TIAM2: variants seen among roughly 807,000 people sequenced by gnomAD.
TIAM2 encodes the protein rho guanine nucleotide exchange factor TIAM2.
In TIAM2, 80 loss-of-function variants were observed where a neutral mutation model predicts 152.9. The observed-to-expected ratio is 0.52, with a 90% CI of 0.44 to 0.63. The LOEUF (loss-of-function observed/expected upper bound fraction) is 0.63, where lower values mean the gene tolerates loss of function less well. Ranked by LOEUF, TIAM2 falls within the 30% of genes least tolerant of loss-of-function variation. The pLI is 0.00. For missense variants in TIAM2, 1,965 were observed against 2,120.1 expected, an observed-to-expected ratio of 0.93 and a Z score of 1.44; for synonymous variants, 804 against 838.0, an observed-to-expected ratio of 0.96 and a Z score of 0.70.
At chr6:155,183,020 A>G (rs922826753) in intron 13 of TIAM2, among the ~76,000 whole-genome samples, 1 of 152,172 alleles carries the variant, frequency 6.6e-6, no homozygotes, top group Admixed American at 6.5e-5. Context: ...GCTGGCCTCA[A>G]ACTCCTGGGC....
intron 1 of TIAM2, among the ~76,000 whole-genome samples, chr6:155,002,151 A>G (rs543418092): frequency 1.3e-5 from 2 of 152,328 alleles, no homozygotes; most frequent in East Asian, 3.9e-4. Flanking sequence ...GCTCACGCCC[A>G]TAATCCCAGC....
intron 17 of TIAM2, among the ~76,000 whole-genome samples, 165 bp from the exon 18 acceptor site, chr6:155,244,493 A>G (rs1239537278): frequency 6.6e-6 from 1 of 152,240 alleles, no homozygotes; most frequent in African/African-American, 2.4e-5. Context: ...CTTTCTATGT[A>G]TAAGCCATAT....
In TIAM2 at chr6:155,183,515, T is replaced by A; in HGVS notation, c.3064+15T>A. 6.3e-7 allele frequency: 1 copy of A among 1,592,910 alleles called. No individual in the cohort carries two copies. The highest frequency in any genetic ancestry group is 8.5e-7 in the Non-Finnish European group (1 of 1,169,860). On this transcript the variant is annotated intron_variant, in intron 14 of 26. Transcript: ENST00000682666. Reference sequence around the variant, plus strand: ...TACAGCCAATGGTAAGGCTTTGTTCTGTCTTCCTTCTTAACTGCTGGTATC... The same window carrying A: ...TACAGCCAATGGTAAGGCTTTGTTCAGTCTTCCTTCTTAACTGCTGGTATC...
chr6:155,122,930 A>C (rs1779206284), intron 2 of TIAM2, among the ~76,000 whole-genome samples: 2 of 152,082 alleles, frequency 1.3e-5, no homozygotes. Flanking sequence ...TATTAACTAA[A>C]ATAGTTTTTA....
intron 5 of TIAM2, among the ~76,000 whole-genome samples, chr6:155,143,100 T>G (rs957771492): frequency 2.6e-5 from 4 of 152,190 alleles, no homozygotes; most frequent in African/African-American, 9.7e-5. Flanking sequence ...TTCCTGTCAA[T>G]GTGAAAGGCA....
rs1167959830 is a variant in TIAM2, at chr6:155,236,319, G to C, written c.3169-4211G>C. 3.9e-5 allele frequency among the ~76,000 whole-genome samples: 6 copies of C among 151,934 alleles called. No individual in the cohort carries two copies. In the East Asian group the frequency reaches 7.7e-4, roughly 20 times the overall value. ...GAGCTGTATGAAGAGTAGACCAGCA[G>C]TTCTCATGCAGGCCACACATTAGCA... On this transcript the variant is annotated intron_variant, in intron 15 of 26. Transcript: ENST00000682666.
chr6:155,008,691 T>A (rs1378824822), intron 1 of TIAM2, among the ~76,000 whole-genome samples: 1 of 152,210 alleles, frequency 6.6e-6, no homozygotes, highest in East Asian at 1.9e-4. Context: ...ATCACTCAGT[T>A]CTTCTGAGGC....
intron 2 of TIAM2, chr6:155,122,230 A>G (rs1475890592): frequency 6.6e-6 from 1 of 152,220 alleles, no homozygotes; most frequent in Non-Finnish European, 1.5e-5. Flanking sequence ...CACACTTTTA[A>G]GAAAGAAAAA....
intron 1 of TIAM2, among the ~76,000 whole-genome samples, chr6:155,089,696 A>C (rs925066505): frequency 1.3e-5 from 2 of 152,010 alleles, no homozygotes; most frequent in Non-Finnish European, 1.5e-5. Flanking sequence ...CCAATTCCTA[A>C]TCTTCCAATT....
At chr6:155,149,588 T>C (rs1779900771) in intron 7 of TIAM2, among the ~76,000 whole-genome samples, 1 of 152,232 alleles carries the variant, frequency 6.6e-6, no homozygotes, top group South Asian at 2.1e-4. Context: ...TCTGAATGTT[T>C]AACCTTGTTT....
At chr6:155,204,999 G>C (rs998497660) in intron 14 of TIAM2, among the ~76,000 whole-genome samples, 1 of 151,978 alleles carries the variant, frequency 6.6e-6, no homozygotes, top group Non-Finnish European at 1.5e-5. Context: ...GAAGAGAACA[G>C]AGCCACTCCT....
At chr6:155,078,423 C>G (rs1230712902) in intron 1 of TIAM2, among the ~76,000 whole-genome samples, 1 of 152,198 alleles carries the variant, frequency 6.6e-6, no homozygotes, top group African/African-American at 2.4e-5. Context: ...TCCTTATCTG[C>G]TTTTCTCCTT....
At chr6:155,122,600 TA>T (rs1779193389) in intron 2 of TIAM2, among the ~76,000 whole-genome samples, 1 of 152,086 alleles carries the variant, frequency 6.6e-6, no homozygotes, top group African/African-American at 2.4e-5. Flanking sequence ...AATTGTCCCG[TA>T]AATAAAAAAT....
intron 14 of TIAM2, among the ~76,000 whole-genome samples, chr6:155,191,401 C>T (rs1293358329): frequency 6.6e-6 from 1 of 152,232 alleles, no homozygotes; most frequent in Non-Finnish European, 1.5e-5. Flanking sequence ...TACGCAGATA[C>T]ATTCCTCCTA....
chr6:155,168,991 TG>T (rs1219199060), intron 9 of TIAM2: 25 of 1,362,472 alleles, frequency 1.8e-5, no homozygotes, highest in African/African-American at 3.0e-5. Flanking sequence ...TGTTTTTTTT[TG>T]TTTGTTTTTG....
chr6:155,107,308 C>T (rs886881632), intron 2 of TIAM2, among the ~76,000 whole-genome samples: 2 of 152,222 alleles, frequency 1.3e-5, no homozygotes, highest in Non-Finnish European at 2.9e-5. Context: ...ACTTAGGCAG[C>T]ACACGTTGCT....
chr6:155,104,050 C>CCCACACACA (rs1778617598), intron 2 of TIAM2, among the ~76,000 whole-genome samples: 1 of 87,600 alleles, frequency 1.1e-5, no homozygotes, highest in African/African-American at 5.7e-5. Context: ...ACCCCCCCCC[C>CCCACACACA]CACACCCCCA....
intron 2 of TIAM2, among the ~76,000 whole-genome samples, chr6:155,111,307 ACAC>A (rs1778842069): frequency 5.0e-5 from 4 of 80,524 alleles, no homozygotes; most frequent in African/African-American, 2.6e-4. Flanking sequence ...ATACACACAC[ACAC>A]ACACACACAC....
chr6:155,133,678 G>A (rs1043317166), intron 4 of TIAM2, among the ~76,000 whole-genome samples: 14 of 151,492 alleles, frequency 9.2e-5, no homozygotes, highest in Non-Finnish European at 1.5e-4. Flanking sequence ...CAGATTCCAC[G>A]TATAAGTGGA....
Sources: allele counts gnomAD v4.1 joint callset (sites outside exome capture counted in the v4.1 genomes callset), GRCh38; gene constraint gnomAD v4.1.1; transcripts MANE v1.5; gene names NCBI Gene and HGNC (gene_info 2026-07-23, HGNC 2026-07-21).